Variants in SNCAIP observed in about 807,000 individuals in gnomAD.
SNCAIP encodes synuclein alpha interacting protein.
A neutral mutation model predicts 86.7 loss-of-function variants in SNCAIP; 43 were observed. That is an observed-to-expected ratio of 0.50 (90% CI 0.39 to 0.64). The LOEUF (loss-of-function observed/expected upper bound fraction) is 0.64, where lower values mean the gene tolerates loss of function less well. Ranked by LOEUF, SNCAIP falls within the 30% of genes least tolerant of loss-of-function variation. The pLI, the probability that SNCAIP is intolerant of heterozygous loss-of-function variation, is 0.00. For synonymous variants in SNCAIP, 417 were observed against 427.2 expected, an observed-to-expected ratio of 0.98 and a Z score of 0.29; for missense variants, 981 against 1,103.1, an observed-to-expected ratio of 0.89 and a Z score of 1.57.
At chr5:122,344,718 A>T (rs183075811) in intron 1 of SNCAIP, among the ~76,000 whole-genome samples, 2 of 152,314 alleles carry the variant, frequency 1.3e-5, no homozygotes, top group African/African-American at 4.8e-5. Context: ...AGAGCTAACA[A>T]TTGAGAGTTT....
intron 3 of SNCAIP, among the ~76,000 whole-genome samples, chr5:122,411,033 G>A (rs941531619): frequency 1.3e-5 from 2 of 151,926 alleles, no homozygotes; most frequent in South Asian, 2.1e-4. Context: ...GAAAACTTAC[G>A]GGTAAAAACT....
intron 1 of SNCAIP, among the ~76,000 whole-genome samples, chr5:122,315,741 T>A (rs1278105580): frequency 6.6e-6 from 1 of 152,106 alleles, no homozygotes; most frequent in Non-Finnish European, 1.5e-5. Context: ...ATAATAAAAT[T>A]TTAGTCATAT....
intron 1 of SNCAIP, among the ~76,000 whole-genome samples, chr5:122,322,587 T>G (rs903781221): frequency 6.6e-6 from 1 of 152,222 alleles, no homozygotes; most frequent in Non-Finnish European, 1.5e-5. Flanking sequence ...AGTTTTTGTT[T>G]CTGAGTGCAT....
Position 122,358,203 on chromosome 5 carries a change from GTATA to G in SNCAIP, c.-46-32873_-46-32870del, listed in dbSNP as rs1214552209. Among the ~76,000 whole-genome samples, 149 of 130,386 alleles carry G rather than the reference GTATA, an allele frequency of 1.1e-3. 1 individual carries two copies. Among genetic ancestry groups the G allele is most frequent in the African/African-American group, 2.4e-3 (83 of 35,156 alleles). The allele number at this position is 130,386 out of a possible 152,430, so 85.5% of individuals were successfully genotyped here. A position where few individuals can be genotyped will look rare whatever the true frequency, so the allele number is the denominator to read the frequency against. On this transcript the variant is annotated intron_variant, in intron 1 of 10. Transcript: ENST00000261368. ...TGTGTGTGTGTGTGTGTGTGTGTGTGTATATATATATATATAAAATACTTTAAGT... is the reference window on the plus strand; with the variant it reads ...TGTGTGTGTGTGTGTGTGTGTGTGTGTATATATATATAAAATACTTTAAGT...
At chr5:122,402,543 ATTTG>A (rs1490553460) in intron 2 of SNCAIP, among the ~76,000 whole-genome samples, 3 of 152,108 alleles carry the variant, frequency 2.0e-5, no homozygotes, top group African/African-American at 7.2e-5. Context: ...TGGAAATTTA[ATTTG>A]TTTGTGACAT....
intron 10 of SNCAIP, among the ~76,000 whole-genome samples, chr5:122,452,406 C>T (rs1783879566): frequency 6.6e-6 from 1 of 152,170 alleles, no homozygotes; most frequent in South Asian, 2.1e-4. Flanking sequence ...CTAGATCATT[C>T]TCCATGTGAT....
chr5:122,403,956 T>C (rs1174591171), intron 3 of SNCAIP, 91 bp downstream of exon 3: 4 of 943,330 alleles, frequency 4.2e-6, no homozygotes, highest in Admixed American at 3.6e-5. Context: ...TCCCCCCTGC[T>C]TTCAGTTTTC....
chr5:122,441,260 T>C lies in SNCAIP; in HGVS notation c.1422+506T>C, dbSNP rs186690605. ...CCTTTCTCTGTAGTAGGACTGAGCTTCTCAAATGCATTCAAAAGGTCCAGA... is the reference window on the plus strand; with the variant it reads ...CCTTTCTCTGTAGTAGGACTGAGCTCCTCAAATGCATTCAAAAGGTCCAGA... On this transcript the variant is annotated intron_variant, in intron 7 of 10. Coordinates refer to ENST00000261368, the MANE Select transcript of SNCAIP (RefSeq NM_005460.4). 246 of 159,150 alleles carry C rather than the reference T, an allele frequency of 1.5e-3. No individual in the cohort carries two copies. In the Middle Eastern group the frequency reaches 0.017, roughly 11 times the overall value. 9.9% of individuals were successfully genotyped at this position (159,150 alleles called of 1,614,324 possible).
At chr5:122,430,098 T>C (rs993709889) in intron 5 of SNCAIP, among the ~76,000 whole-genome samples, 1 of 152,162 alleles carries the variant, frequency 6.6e-6, no homozygotes, top group Non-Finnish European at 1.5e-5. Flanking sequence ...ATTATCCAAA[T>C]GGAATAAAAT....
chr5:122,379,692 T>G (rs1766233195), intron 1 of SNCAIP, among the ~76,000 whole-genome samples: 2 of 151,952 alleles, frequency 1.3e-5, no homozygotes, highest in Admixed American at 1.3e-4. Context: ...TAGATAGCTC[T>G]CATTATTTTG....
chr5:122,379,476 C>T (rs1172472043), intron 1 of SNCAIP, among the ~76,000 whole-genome samples: 11 of 126,152 alleles, frequency 8.7e-5, no homozygotes, highest in Admixed American at 6.8e-4. Context: ...ACAATCATGT[C>T]GTCTGCAAAC....
chr5:122,438,306 C>A (rs1164526112), intron 6 of SNCAIP, among the ~76,000 whole-genome samples: 1 of 152,154 alleles, frequency 6.6e-6, no homozygotes. Flanking sequence ...CTCCTCACGT[C>A]CCAAAGATGT....
Position 122,388,208 on chromosome 5 carries a change from G to A in SNCAIP, c.-46-2881G>A, listed in dbSNP as rs376997134. 2.5e-4 allele frequency among the ~76,000 whole-genome samples: 38 copies of A among 152,250 alleles called. No homozygotes were observed. In the South Asian group the frequency reaches 7.5e-3, roughly 30 times the overall value. On this transcript the variant is annotated intron_variant, in intron 1 of 10. Coordinates refer to ENST00000261368, the MANE Select transcript of SNCAIP (RefSeq NM_005460.4). ...GCTTCAGGTATTTAAAACAAAGCCA[G>A]AAATCCAGAATTTTATGTGAAATCA...
At chr5:122,364,874 A>T (rs1026187046) in intron 1 of SNCAIP, among the ~76,000 whole-genome samples, 11 of 152,194 alleles carry the variant, frequency 7.2e-5, no homozygotes, top group Admixed American at 3.9e-4. Context: ...TTTTTTCCAC[A>T]TTTGTAGACC....
At chr5:122,444,052 C>A in intron 7 of SNCAIP, 4 of 456,714 alleles carry the variant, frequency 8.8e-6, no homozygotes, top group Non-Finnish European at 1.8e-5. Context: ...TGCTTCACAG[C>A]CTCCCCACTC....
chr5:122,329,216 C>T (rs374956688), intron 1 of SNCAIP, among the ~76,000 whole-genome samples: 26 of 148,598 alleles, frequency 1.7e-4, no homozygotes, highest in African/African-American at 6.5e-4. Context: ...ACATTATTTC[C>T]TTTAAAGGAG....
intron 1 of SNCAIP, among the ~76,000 whole-genome samples, chr5:122,378,175 A>G (rs1360857664): frequency 6.8e-6 from 1 of 146,202 alleles, no homozygotes; most frequent in East Asian, 2.1e-4. Flanking sequence ...AAGTGTTCCT[A>G]TTTCTCCACA....
intron 3 of SNCAIP, among the ~76,000 whole-genome samples, chr5:122,416,378 C>T (rs1225897671): frequency 6.6e-6 from 1 of 152,192 alleles, no homozygotes; most frequent in Non-Finnish European, 1.5e-5. Context: ...CTATAATAAA[C>T]AAGCCTTCTG....
chr5:122,380,922 C>T (rs566301408), intron 1 of SNCAIP, among the ~76,000 whole-genome samples: 104 of 150,300 alleles, frequency 6.9e-4, no homozygotes, highest in African/African-American at 2.3e-3. Flanking sequence ...GTTATAATCT[C>T]TGTTCTTTTA....
Sources: gnomAD v4.1 joint callset for allele counts (sites outside exome capture counted in the v4.1 genomes callset) on GRCh38, gnomAD v4.1.1 for gene constraint, MANE v1.5 for transcripts, NCBI Gene and HGNC (gene_info 2026-07-23, HGNC 2026-07-21) for gene names.